Variants in SLC44A5 observed in about 807,000 individuals in gnomAD.
SLC44A5 encodes the protein solute carrier family 44 member 5.
Under a neutral mutation model 101.8 loss-of-function variants are expected in SLC44A5, and 57 were observed. The observed-to-expected ratio is 0.56, with a 90% CI of 0.45 to 0.70. SLC44A5 has a LOEUF of 0.70. SLC44A5 is among the 30% of genes least tolerant of loss of function. The pLI is 0.00. For synonymous variants in SLC44A5, 281 were observed against 290.9 expected, an observed-to-expected ratio of 0.97 and a Z score of 0.35; for missense variants, 737 against 853.1, an observed-to-expected ratio of 0.86 and a Z score of 1.70.
chr1:75,375,617 C>A (rs1292096255), intron 3 of SLC44A5, among the ~76,000 whole-genome samples: 1 of 149,138 alleles, frequency 6.7e-6, no homozygotes, highest in African/African-American at 2.5e-5. Context: ...TCACTGTTCA[C>A]AAAGGGAACC....
At chr1:75,315,285 A>C (rs1478365708) in intron 4 of SLC44A5, among the ~76,000 whole-genome samples, 2 of 152,222 alleles carry the variant, frequency 1.3e-5, no homozygotes, top group Non-Finnish European at 2.9e-5. Flanking sequence ...AAGCTTAAAA[A>C]TAAAAAGCTT....
At chr1:75,204,712 T>G (rs1302365260) in intron 23 of SLC44A5, 5 of 152,206 alleles carry the variant, frequency 3.3e-5, no homozygotes, top group Non-Finnish European at 7.3e-5. Context: ...GGTCTGGAAC[T>G]CCTAGGCTCC....
At chr1:75,554,717 A>T (rs1309822275) in intron 1 of SLC44A5, among the ~76,000 whole-genome samples, 2 of 152,098 alleles carry the variant, frequency 1.3e-5, no homozygotes, top group African/African-American at 4.8e-5. Context: ...GTACCAGAAA[A>T]AAATGGACAG....
chr1:75,669,067 C>A, the SLC44A5 span, among the ~76,000 whole-genome samples: 3 of 151,516 alleles, frequency 2.0e-5, no homozygotes, highest in Admixed American at 6.6e-5. Context: ...GGTATCTGGT[C>A]TTGAGACACA....
intron 3 of SLC44A5, among the ~76,000 whole-genome samples, chr1:75,350,853 C>A (rs1168028376): frequency 6.9e-6 from 1 of 144,860 alleles, no homozygotes; most frequent in Admixed American, 6.9e-5. Context: ...AAGATTGTGC[C>A]ATTGCACTTC....
chr1:75,613,297 A>C (rs889648568), upstream of SLC44A5, among the ~76,000 whole-genome samples: 1 of 152,218 alleles, frequency 6.6e-6, no homozygotes, highest in Non-Finnish European at 1.5e-5. Context: ...AAAGCCTAGA[A>C]ATTTTTCCTA....
chr1:75,502,726 C>T (rs1240803790), intron 2 of SLC44A5, among the ~76,000 whole-genome samples: 3 of 147,118 alleles, frequency 2.0e-5, no homozygotes, highest in Non-Finnish European at 4.5e-5. Flanking sequence ...CACAACAGTA[C>T]CCACTTTCTT....
chr1:75,220,815 C>T (rs545655709), intron 14 of SLC44A5, among the ~76,000 whole-genome samples: 4 of 152,266 alleles, frequency 2.6e-5, no homozygotes, highest in African/African-American at 7.2e-5. Flanking sequence ...GTATTTGCTA[C>T]CTTCCTCACC....
At chr1:75,514,820 G>T (rs1669741847) in intron 2 of SLC44A5, among the ~76,000 whole-genome samples, 1 of 152,114 alleles carries the variant, frequency 6.6e-6, no homozygotes, top group Non-Finnish European at 1.5e-5. Context: ...AGACTGAAAA[G>T]AAAATATGAT....
At chr1:75,666,508 G>A in the SLC44A5 span, among the ~76,000 whole-genome samples, 1 of 152,090 alleles carries the variant, frequency 6.6e-6, no homozygotes, top group Admixed American at 6.5e-5. Context: ...TCTACCAGAG[G>A]TACAAAGAGG....
intron 2 of SLC44A5, among the ~76,000 whole-genome samples, chr1:75,403,192 C>G (rs1426859961): frequency 6.6e-6 from 1 of 152,164 alleles, no homozygotes; most frequent in Non-Finnish European, 1.5e-5. Context: ...GGCAGCAGCC[C>G]CAGTCAGGGG....
the SLC44A5 span, among the ~76,000 whole-genome samples, chr1:75,676,973 G>C: frequency 6.6e-6 from 1 of 152,106 alleles, no homozygotes; most frequent in Non-Finnish European, 1.5e-5. Flanking sequence ...CATATTTAAA[G>C]TGCTGGGAAA....
intron 2 of SLC44A5, among the ~76,000 whole-genome samples, chr1:75,424,055 A>G (rs1664164256): frequency 6.6e-6 from 1 of 152,182 alleles, no homozygotes; most frequent in African/African-American, 2.4e-5. Context: ...ATTTAGGACT[A>G]CCTCACAGAA....
At chr1:75,677,768 C>T in the SLC44A5 span, 4 of 438,508 alleles carry the variant, frequency 9.1e-6, no homozygotes, top group East Asian at 7.4e-5. Context: ...ACCAAGATGG[C>T]CGAATAGGAA....
intron 2 of SLC44A5, among the ~76,000 whole-genome samples, chr1:75,478,321 A>G (rs1399573788): frequency 6.6e-6 from 1 of 152,232 alleles, no homozygotes; most frequent in Non-Finnish European, 1.5e-5. Context: ...AAGACCATCG[A>G]GGCTAGGAAG....
chr1:75,477,769 C>T (rs1667525604), intron 2 of SLC44A5, among the ~76,000 whole-genome samples: 1 of 152,136 alleles, frequency 6.6e-6, no homozygotes, highest in African/African-American at 2.4e-5. Context: ...ACCAAATCTA[C>T]GTCTGACTGG....
intron 7 of SLC44A5, among the ~76,000 whole-genome samples, chr1:75,245,865 A>C (rs2100622155): frequency 6.6e-6 from 1 of 152,260 alleles, no homozygotes; most frequent in Non-Finnish European, 1.5e-5. Context: ...AGTAATCAAC[A>C]TATAATTAGC....
the SLC44A5 span, chr1:75,723,650 G>A: frequency 1.3e-5 from 2 of 152,156 alleles, no homozygotes; most frequent in Non-Finnish European, 2.9e-5. Flanking sequence ...TTAAGAGTCC[G>A]CTTTGTGTTT....
At chr1:75,697,776 C>T in the SLC44A5 span, among the ~76,000 whole-genome samples, 1 of 152,076 alleles carries the variant, frequency 6.6e-6, no homozygotes, top group East Asian at 1.9e-4. Context: ...AGAGAGTGGG[C>T]GCAGGTCAGT....
Sources: gnomAD v4.1 joint callset for allele counts (sites outside exome capture counted in the v4.1 genomes callset) on GRCh38, gnomAD v4.1.1 for gene constraint, MANE v1.5 for transcripts, NCBI Gene and HGNC (gene_info 2026-07-23, HGNC 2026-07-21) for gene names.